HTR2A: variants seen among roughly 807,000 people sequenced by gnomAD.
The protein encoded by HTR2A is 5-hydroxytryptamine receptor 2A, also known as 5-HT2 receptor.
Under a neutral mutation model 31.0 loss-of-function variants are expected in HTR2A, and 14 were observed. The ratio of observed to expected loss-of-function variants is 0.45; its 90% CI spans 0.30 to 0.71. The LOEUF is 0.71. Among genes scored for constraint, HTR2A ranks in the 30% least tolerant of loss-of-function variants. HTR2A has a pLI of 0.09. For missense variants in HTR2A, 442 were observed against 573.3 expected (o/e 0.77, Z 2.34); for synonymous variants, 209 against 225.2 (o/e 0.93, Z 0.64).
chr13:46,835,946 A>G (rs2138337990), intron 3 of HTR2A, among the ~76,000 whole-genome samples: 1 of 152,210 alleles, frequency 6.6e-6, no homozygotes, highest in Admixed American at 6.5e-5. Flanking sequence ...AGAAACACAC[A>G]GAGAGGCAAA....
intron 3 of HTR2A, among the ~76,000 whole-genome samples, chr13:46,886,283 G>T (rs1033789856): frequency 2.6e-5 from 4 of 152,136 alleles, no homozygotes; most frequent in Non-Finnish European, 4.4e-5. Flanking sequence ...CAATGGAAGA[G>T]TCCCATAACA....
rs55719768 is a variant in HTR2A at position 46,850,635 on chromosome 13, C to T, written c.614-14996G>A. On this transcript the variant is annotated intron_variant, in intron 3 of 3. Transcript: ENST00000542664. ...GCTGCTCAAGGCTGGCTCTTAGATC[C>T]GGAGCCTGGAATTCATGCAGTGTCC... Among the ~76,000 whole-genome samples the T allele has an allele frequency of 6.1e-3, 931 of 152,248 alleles. 9 individuals carry two copies. Among genetic ancestry groups the T allele is most frequent in the African/African-American group, 0.021 (885 of 41,544 alleles).
chr13:46,835,952 G>T (rs539966182), intron 3 of HTR2A, among the ~76,000 whole-genome samples: 7 of 151,920 alleles, frequency 4.6e-5, no homozygotes, highest in South Asian at 4.1e-4. Context: ...ACACAGAGAG[G>T]CAAATAAACT....
chr13:46,872,502 T>TA (rs1476349092), intron 3 of HTR2A, among the ~76,000 whole-genome samples: 1 of 152,314 alleles, frequency 6.6e-6, no homozygotes, highest in Non-Finnish European at 1.5e-5. Flanking sequence ...GTATCAATTA[T>TA]ATACTATTTT....
chr13:46,869,182 C>T (rs1258010746), intron 3 of HTR2A, among the ~76,000 whole-genome samples: 2 of 152,096 alleles, frequency 1.3e-5, no homozygotes, highest in Non-Finnish European at 2.9e-5. Context: ...TTTGCAAGTC[C>T]TATATTTGAT....
At chr13:46,841,688 C>T (rs1950598426) in intron 3 of HTR2A, among the ~76,000 whole-genome samples, 1 of 152,048 alleles carries the variant, frequency 6.6e-6, no homozygotes, top group Non-Finnish European at 1.5e-5. Context: ...GTCTCTGTCT[C>T]CTCTGACCCT....
chr13:46,850,407 TG>T (rs1950675212), intron 3 of HTR2A, among the ~76,000 whole-genome samples: 1 of 152,218 alleles, frequency 6.6e-6, no homozygotes, highest in South Asian at 2.1e-4. Flanking sequence ...GATGAGAAAG[TG>T]GAAGCACAGA....
rs1046592807 is a variant in HTR2A, at chr13:46,895,804, C to T, written c.103G>A (p.Gly35Arg). 3.2e-5 allele frequency: 51 copies of T among 1,613,990 alleles called. No individual in the cohort carries two copies. The highest frequency in any genetic ancestry group is 3.8e-5 in the Non-Finnish European group (45 of 1,179,936). The part of the protein sequence containing the change: ...TRLYSNDFNS[G>R]EANTSDAFNW... ...AATGCATCAGAAGTGTTAGCTTCTCCGGAGTTAAAGTCATTACTGTAGAGC... is the reference window on the plus strand; with the variant it reads ...AATGCATCAGAAGTGTTAGCTTCTCTGGAGTTAAAGTCATTACTGTAGAGC... The change falls in exon 2 of 4, where the codon GGA becomes AGA. Residue 35 changes from glycine to arginine, a missense_variant. Transcript: ENST00000542664. This position sits in a 1 kb window ranked among gnomAD's most constrained non-coding sequence, Gnocchi z 4.4.
chr13:46,833,081 A>T lies in HTR2A; in HGVS notation c.*1756T>A, dbSNP rs1876304651. 6.6e-6 allele frequency: 1 copy of T among 152,158 alleles called. No individual in the cohort carries two copies. The allele number at this position is 152,158 out of a possible 1,614,324, so 9.4% of individuals were successfully genotyped here. ...TGAGTTTTTGGAGAAATAGAAGAAA[A>T]ATTTTGCTCAAAACTATGGTAGTTA... On this transcript the variant is annotated 3_prime_UTR_variant, in exon 4 of 4. Coordinates refer to ENST00000542664, the MANE Select transcript of HTR2A (RefSeq NM_000621.5).
rs1424554335 is a variant in HTR2A at position 46,896,673 on chromosome 13, C to T, written c.-329+1G>A. On this transcript the variant is annotated splice_donor_variant, in intron 1 of 3. Transcript: ENST00000542664. LOFTEE classifies it low-confidence loss of function (5UTR_SPLICE). ...TAAAATATAGCGGCATGAGAACTTA[C>T]ATTTGTCTTCAGGGTCCACACATGA... The T allele has an allele frequency of 6.6e-7, 1 of 1,521,484 alleles. No individual in the cohort carries two copies. The highest frequency in any genetic ancestry group is 2.5e-5 in the East Asian group (1 of 40,394). The allele number at this position is 1,521,484 out of a possible 1,614,324, so 94.2% of individuals were successfully genotyped here. A position where few individuals can be genotyped will look rare whatever the true frequency, so the allele number is the denominator to read the frequency against.
At chr13:46,881,944 C>A (rs1950967779) in intron 3 of HTR2A, among the ~76,000 whole-genome samples, 1 of 152,072 alleles carries the variant, frequency 6.6e-6, no homozygotes, top group South Asian at 2.1e-4. Context: ...ATTTTGCTGT[C>A]ATTCCTCTTG....
intron 3 of HTR2A, among the ~76,000 whole-genome samples, chr13:46,865,066 T>C (rs547954987): frequency 9.8e-5 from 15 of 152,304 alleles, no homozygotes; most frequent in South Asian, 6.2e-4. Flanking sequence ...GATGTTAACA[T>C]TAGCTTTACT....
intron 3 of HTR2A, among the ~76,000 whole-genome samples, chr13:46,886,810 G>A (rs371869995): frequency 6.0e-4 from 92 of 152,204 alleles, no homozygotes; most frequent in African/African-American, 1.7e-3. Context: ...TTGAGAGACC[G>A]AATAGCTAAA....
chr13:46,872,688 T>C (rs1443517429), intron 3 of HTR2A, among the ~76,000 whole-genome samples: 1 of 152,182 alleles, frequency 6.6e-6, no homozygotes, highest in Non-Finnish European at 1.5e-5. Flanking sequence ...GTTTAATACC[T>C]TGCATCTCTA....
intron 3 of HTR2A, among the ~76,000 whole-genome samples, chr13:46,843,786 T>C (rs1162302778): frequency 6.6e-6 from 1 of 152,162 alleles, no homozygotes; most frequent in Non-Finnish European, 1.5e-5. Flanking sequence ...AGGATTTCTA[T>C]GTAGCAGGGG....
intron 3 of HTR2A, among the ~76,000 whole-genome samples, chr13:46,861,491 A>G (rs1362971513): frequency 6.6e-6 from 1 of 152,226 alleles, no homozygotes; most frequent in Non-Finnish European, 1.5e-5. Flanking sequence ...CTTCTGGGAT[A>G]CAGTTTGGGA....
At chr13:46,835,789 T>A (rs1876434467) in intron 3 of HTR2A, 150 bp from the exon 4 acceptor site, 2 of 648,206 alleles carry the variant, frequency 3.1e-6, no homozygotes, top group Non-Finnish European at 5.2e-6. Context: ...CCTTTGGACT[T>A]ACATATGTGT....
intron 3 of HTR2A, among the ~76,000 whole-genome samples, chr13:46,853,433 C>G (rs1950705271): frequency 6.6e-6 from 1 of 152,190 alleles, no homozygotes; most frequent in African/African-American, 2.4e-5. Context: ...GCTGTGTGCT[C>G]TCAGTGGTTG....
At chr13:46,873,841 C>T (rs143251351) in intron 3 of HTR2A, among the ~76,000 whole-genome samples, 14 of 152,158 alleles carry the variant, frequency 9.2e-5, no homozygotes, top group Admixed American at 3.3e-4. Flanking sequence ...TTCAAATGTC[C>T]GCAAAAATAG....
Sources: allele counts gnomAD v4.1 joint callset (sites outside exome capture counted in the v4.1 genomes callset), GRCh38; gene constraint gnomAD v4.1.1; non-coding constraint Gnocchi (gnomAD v3.1); transcripts MANE v1.5; gene names NCBI Gene and HGNC (gene_info 2026-07-23, HGNC 2026-07-21).